The following MIPOL1 variants were observed in gnomAD, a reference collection of about 807,000 sequenced individuals.
The protein encoded by MIPOL1 is mirror-image polydactyly gene 1 protein.
Under a neutral mutation model 60.9 loss-of-function variants are expected in MIPOL1, and 57 were observed. The ratio of observed to expected loss-of-function variants is 0.94; its 90% CI spans 0.76 to 1.17. MIPOL1 has a LOEUF of 1.17. Ranked by LOEUF, MIPOL1 falls within the 50% of genes most tolerant of loss-of-function variation. The probability of loss-of-function intolerance (pLI) is 0.00; values close to 1 mark genes in which losing one functional copy is unlikely to be tolerated. For synonymous variants in MIPOL1, 179 were observed against 168.8 expected, an observed-to-expected ratio of 1.06 and a Z score of -0.47; for missense variants, 551 against 511.6, an observed-to-expected ratio of 1.08 and a Z score of -0.74.
intron 12 of MIPOL1, chr14:37,523,458 GTT>G (rs751583365): frequency 8.5e-6 from 3 of 353,434 alleles, no homozygotes; most frequent in South Asian, 1.1e-4. Flanking sequence ...AAATATTAGA[GTT>G]TTTTTTTTCC....
rs145307794 is a variant in MIPOL1, at chr14:37,485,893, T to G, written c.1032-14015T>G. ...GCCATTGCTTTAGTTGTTTTAGTCA[T>G]GAAGTCTTTGCCCATGCCTGTGTCC... On this transcript the variant is annotated intron_variant, in intron 11 of 12. Coordinates refer to ENST00000684589, the MANE Select transcript of MIPOL1 (RefSeq NM_001388067.1). Among the ~76,000 whole-genome samples the G allele has an allele frequency of 5.7e-3, 872 of 152,320 alleles. 10 individuals are homozygous for G. Among genetic ancestry groups the G allele is most frequent in the African/African-American group, 0.018 (754 of 41,588 alleles).
At chr14:37,390,470 G>C (rs1393693810) in intron 10 of MIPOL1, among the ~76,000 whole-genome samples, 2 of 151,974 alleles carry the variant, frequency 1.3e-5, no homozygotes, top group African/African-American at 4.8e-5. Flanking sequence ...TGTATAAACT[G>C]ACTTAAAGTT....
At chr14:37,238,167 G>A (rs2153338069) in intron 1 of MIPOL1, among the ~76,000 whole-genome samples, 1 of 152,250 alleles carries the variant, frequency 6.6e-6, no homozygotes, top group Admixed American at 6.5e-5. Flanking sequence ...TTACAAGAAA[G>A]TAAATGCTGT....
chr14:37,477,030 A>G (rs2094787617), intron 11 of MIPOL1, among the ~76,000 whole-genome samples: 1 of 150,452 alleles, frequency 6.6e-6, no homozygotes, highest in East Asian at 2.0e-4. Context: ...CCTCCTGGGT[A>G]GCCGAGATTA....
At chr14:37,273,557 A>G (rs1020083346) in intron 6 of MIPOL1, among the ~76,000 whole-genome samples, 1 of 150,710 alleles carries the variant, frequency 6.6e-6, no homozygotes, top group African/African-American at 2.4e-5. Flanking sequence ...TTATGTATCT[A>G]TATATATATT....
At chr14:37,403,535 T>G (rs2093531138) in intron 10 of MIPOL1, among the ~76,000 whole-genome samples, 1 of 146,042 alleles carries the variant, frequency 6.8e-6, no homozygotes, top group South Asian at 2.4e-4. Context: ...CTTGGCCTCC[T>G]AAAGTGCTGG....
In MIPOL1 at chr14:37,363,172, C is replaced by T. The variant is rs566194136; in HGVS notation, c.829-6345C>T. 4.6e-5 allele frequency among the ~76,000 whole-genome samples: 7 copies of T among 152,262 alleles called. 1 individual carries two copies. The East Asian group carries it at 1.2e-3, about 25-fold the overall frequency. ...TCATTGCTGGTGAGGAGCTGCGATC[C>T]TTTGGAGAAGAAGAGGCACTCTGGT... is the stretch of plus-strand genomic sequence containing the variant. On this transcript the variant is annotated intron_variant, in intron 9 of 12. Coordinates refer to ENST00000684589, the MANE Select transcript of MIPOL1 (RefSeq NM_001388067.1).
intron 12 of MIPOL1, among the ~76,000 whole-genome samples, chr14:37,540,468 A>T (rs1314601360): frequency 6.6e-6 from 1 of 152,168 alleles, no homozygotes; most frequent in Non-Finnish European, 1.5e-5. Context: ...TGTGTGCATT[A>T]TAGACTGTAT....
chr14:37,330,423 T>C (rs1221724217), intron 9 of MIPOL1, among the ~76,000 whole-genome samples: 1 of 152,172 alleles, frequency 6.6e-6, no homozygotes, highest in Non-Finnish European at 1.5e-5. Flanking sequence ...ACCAACATAG[T>C]GTTCTTAAAT....
At chr14:37,316,594 T>TTTG (rs1567435494) in intron 9 of MIPOL1, among the ~76,000 whole-genome samples, 3 of 310 alleles carry the variant, frequency 9.7e-3, no homozygotes. Flanking sequence ...TCTTGGGAGG[T>TTTG]TTTTTTTTTT....
In MIPOL1 at chr14:37,457,005, A is replaced by T. The variant is rs571054399; in HGVS notation, c.1031+34056A>T. Among the ~76,000 whole-genome samples the T allele has an allele frequency of 3.0e-3, 456 of 152,304 alleles. 3 individuals carry two copies. Among genetic ancestry groups the T allele is most frequent in the African/African-American group, 9.4e-3 (391 of 41,588 alleles). ...GGATATATCTTTACTATTGAAAAGG[A>T]CATATTGCAGCAATATATACTTTGT... On this transcript the variant is annotated intron_variant, in intron 11 of 12. Coordinates refer to ENST00000684589, the MANE Select transcript of MIPOL1 (RefSeq NM_001388067.1).
At chr14:37,406,088 G>A (rs1324365364) in intron 10 of MIPOL1, among the ~76,000 whole-genome samples, 2 of 151,792 alleles carry the variant, frequency 1.3e-5, no homozygotes, top group Non-Finnish European at 2.9e-5. Flanking sequence ...TAATTTTATG[G>A]TTAATTTGAT....
chr14:37,217,107 A>G (rs1220698185), intron 1 of MIPOL1, among the ~76,000 whole-genome samples: 1 of 152,198 alleles, frequency 6.6e-6, no homozygotes, highest in Non-Finnish European at 1.5e-5. Flanking sequence ...TCTAAGGATC[A>G]TTAATGAGCA....
intron 6 of MIPOL1, chr14:37,278,918 T>C (rs1383534165): frequency 6.6e-6 from 1 of 151,740 alleles, no homozygotes; most frequent in Admixed American, 6.6e-5. Flanking sequence ...AGAAAACAAT[T>C]AGCTTACTAA....
intron 7 of MIPOL1, among the ~76,000 whole-genome samples, chr14:37,291,942 T>A (rs1347185584): frequency 3.3e-5 from 4 of 122,260 alleles, no homozygotes; most frequent in Non-Finnish European, 3.4e-5. Flanking sequence ...TTTTTTTTTT[T>A]AGAGAAGGAG....
At chr14:37,278,588 A>G (rs1408664278) in intron 6 of MIPOL1, 1 of 151,796 alleles carries the variant, frequency 6.6e-6, no homozygotes, top group East Asian at 1.9e-4. Flanking sequence ...TAAAATCCTA[A>G]TGATTTCTTT....
intron 10 of MIPOL1, among the ~76,000 whole-genome samples, chr14:37,416,017 C>T (rs1209585754): frequency 2.0e-5 from 3 of 152,070 alleles, no homozygotes; most frequent in East Asian, 1.9e-4. Context: ...TTATTTTCCT[C>T]TCTTCTAAAA....
At chr14:37,248,343 T>C (rs1421511952) in intron 3 of MIPOL1, among the ~76,000 whole-genome samples, 1 of 151,336 alleles carries the variant, frequency 6.6e-6, no homozygotes, top group Non-Finnish European at 1.5e-5. Flanking sequence ...GGGAAACACA[T>C]AGAGGCACTG....
At chr14:37,437,287 A>G (rs910964565) in intron 11 of MIPOL1, among the ~76,000 whole-genome samples, 6 of 152,176 alleles carry the variant, frequency 3.9e-5, no homozygotes, top group African/African-American at 1.4e-4. Flanking sequence ...GCCTAGGGAT[A>G]GGGACTGGCT....
Sources: allele counts gnomAD v4.1 joint callset (sites outside exome capture counted in the v4.1 genomes callset), GRCh38; gene constraint gnomAD v4.1.1; transcripts MANE v1.5; gene names NCBI Gene and HGNC (gene_info 2026-07-23, HGNC 2026-07-21).